NXNL2: variants seen among roughly 807,000 people sequenced by gnomAD.
NXNL2 encodes the protein nucleoredoxin like 2, also known as nucleoredoxin-like protein 2.
In NXNL2, 7 loss-of-function variants were observed where a neutral mutation model predicts 11.1. The observed-to-expected ratio is 0.63, with a 90% CI of 0.36 to 1.18. The LOEUF is 1.18. NXNL2 is among the 50% of genes most tolerant of loss of function. The pLI is 0.02. For missense variants in NXNL2, 233 were observed against 217.7 expected (o/e 1.07, Z -0.44); for synonymous variants, 109 against 101.8 (o/e 1.07, Z -0.42).
At chr9:88,556,186 C>T (rs368443150) in intron 1 of NXNL2, among the ~76,000 whole-genome samples, 64 of 152,296 alleles carry the variant, frequency 4.2e-4, no homozygotes, top group African/African-American at 1.3e-3. Context: ...AGTGCATCAC[C>T]GCCTGCAACT....
At chr9:88,536,971 C>T (rs1476293728) in intron 1 of NXNL2, among the ~76,000 whole-genome samples, 7 of 152,206 alleles carry the variant, frequency 4.6e-5, no homozygotes, top group Non-Finnish European at 1.0e-4. Context: ...GTTTAGTACT[C>T]AAGTTATTTG....
At position 88,571,112 on chromosome 9, in the gene NXNL2, CT is replaced by C. The variant is rs962021991; in HGVS notation, c.329del (p.Leu110ArgfsTer6). On this transcript the variant is annotated frameshift_variant, in exon 2 of 3. Coordinates refer to the NXNL2 transcript ENST00000375855. LOFTEE classifies it high-confidence loss of function. Reference sequence around the variant, plus strand: ...ACGGAGTCTCGCTCTGTTGCCCAGGCTGGAGTGCAGTGGCGTGATCTTAGCT... The same window carrying C: ...ACGGAGTCTCGCTCTGTTGCCCAGGCGGAGTGCAGTGGCGTGATCTTAGCT... The C allele has an allele frequency of 4.1e-5, 17 of 413,946 alleles. No individual in the cohort carries two copies. Among genetic ancestry groups the C allele is most frequent in the Non-Finnish European group, 7.1e-5 (15 of 212,258 alleles). 25.6% of individuals were successfully genotyped at this position (413,946 alleles called of 1,614,324 possible).
chr9:88,549,723 G>A (rs143213923), downstream of NXNL2, among the ~76,000 whole-genome samples: 717 of 152,318 alleles, frequency 4.7e-3, 6 homozygotes, highest in African/African-American at 0.016. Flanking sequence ...CATTTGCTTA[G>A]CTTCTTGGGA....
At chr9:88,563,533 G>T (rs918163550) in intron 1 of NXNL2, among the ~76,000 whole-genome samples, 4 of 152,104 alleles carry the variant, frequency 2.6e-5, no homozygotes, top group Admixed American at 6.6e-5. Context: ...TGGGCTCTCC[G>T]CTGGATTCCC....
chr9:88,546,381 C>G (rs951941691), downstream of NXNL2, among the ~76,000 whole-genome samples: 2 of 149,182 alleles, frequency 1.3e-5, no homozygotes, highest in Non-Finnish European at 3.0e-5. Context: ...GTGATGTGTC[C>G]TTTGAACCAT....
At chr9:88,558,343 G>A (rs189956978) in intron 1 of NXNL2, among the ~76,000 whole-genome samples, 27 of 152,212 alleles carry the variant, frequency 1.8e-4, no homozygotes, top group African/African-American at 5.8e-4. Context: ...TGGTGTTCCC[G>A]GAGAGGGCAT....
chr9:88,539,566 T>C (rs1334330234), intron 1 of NXNL2: 3 of 152,398 alleles, frequency 2.0e-5, no homozygotes, highest in African/African-American at 4.8e-5. Flanking sequence ...GTACAGATGC[T>C]AAAATAACCC....
At chr9:88,560,488 G>A (rs747963066) in intron 1 of NXNL2, among the ~76,000 whole-genome samples, 10 of 152,040 alleles carry the variant, frequency 6.6e-5, no homozygotes, top group Admixed American at 5.2e-4. Flanking sequence ...AGCATCTAGA[G>A]TGCAGGGGAC....
intron 1 of NXNL2, among the ~76,000 whole-genome samples, chr9:88,582,950 G>A (rs954998193): frequency 6.6e-6 from 1 of 152,200 alleles, no homozygotes; most frequent in Non-Finnish European, 1.5e-5. Flanking sequence ...TTACAGGTAT[G>A]AGCCACTGAG....
rs934632259 is a variant in NXNL2 at position 88,569,717 on chromosome 9, G to T, written c.303-1370G>T. On this transcript the variant is annotated intron_variant, in intron 1 of 2. Transcript: ENST00000375855. The stretch of plus-strand genomic sequence containing the variant: ...TTAGCTGTATGCAGACAATTATGTG[G>T]TTTTTTCTTCTTTGACTTATTAATA... Among the ~76,000 whole-genome samples the T allele has an allele frequency of 2.0e-5, 3 of 152,060 alleles. No individual in the cohort carries two copies. The East Asian group carries it at 5.8e-4, about 29-fold the overall frequency.
intron 1 of NXNL2, among the ~76,000 whole-genome samples, chr9:88,550,235 AC>A (rs1335759242): frequency 1.3e-5 from 2 of 152,090 alleles, no homozygotes; most frequent in Admixed American, 1.3e-4. Flanking sequence ...TCCAATCACC[AC>A]CCACCAAGCC....
intron 1 of NXNL2, among the ~76,000 whole-genome samples, chr9:88,541,412 A>AC (rs1829758794): frequency 6.6e-6 from 1 of 151,718 alleles, no homozygotes; most frequent in Non-Finnish European, 1.5e-5. Context: ...AGGTGCGTGC[A>AC]ACCACACCTG....
chr9:88,567,199 C>T (rs6560096), intron 1 of NXNL2, among the ~76,000 whole-genome samples: 43,643 of 151,862 alleles, frequency 0.29, 10,434 homozygotes, highest in East Asian at 0.78. Flanking sequence ...AGTGCAATGA[C>T]GTAACCTAGG....
intron 1 of NXNL2, among the ~76,000 whole-genome samples, chr9:88,559,598 G>T (rs1207773161): frequency 6.6e-6 from 1 of 152,194 alleles, no homozygotes; most frequent in Non-Finnish European, 1.5e-5. Flanking sequence ...GGCCTAGGTG[G>T]CCAGCTACTG....
intron 1 of NXNL2, among the ~76,000 whole-genome samples, chr9:88,583,227 C>T (rs1230778679): frequency 6.6e-6 from 1 of 152,228 alleles, no homozygotes; most frequent in Non-Finnish European, 1.5e-5. Context: ...GCATTTGTTA[C>T]CGCTGCACTG....
downstream of NXNL2, among the ~76,000 whole-genome samples, chr9:88,578,255 G>A (rs1027002937): frequency 1.3e-5 from 2 of 152,164 alleles, no homozygotes; most frequent in African/African-American, 4.8e-5. Flanking sequence ...ACCCCAGGTG[G>A]GCTGCGCTGG....
intron 2 of NXNL2, among the ~76,000 whole-genome samples, chr9:88,572,146 G>A (rs529461021): frequency 1.3e-5 from 2 of 151,544 alleles, no homozygotes; most frequent in Admixed American, 6.6e-5. Flanking sequence ...CTGACCCCAA[G>A]TTCCGTTATA....
intron 1 of NXNL2, among the ~76,000 whole-genome samples, chr9:88,553,921 T>C (rs1829977539): frequency 6.6e-6 from 1 of 152,208 alleles, no homozygotes; most frequent in Non-Finnish European, 1.5e-5. Context: ...ATGTATGTGT[T>C]GTCATGATTT....
intron 1 of NXNL2, among the ~76,000 whole-genome samples, chr9:88,556,118 TC>T (rs1322966911): frequency 1.3e-5 from 2 of 151,954 alleles, no homozygotes; most frequent in Admixed American, 6.6e-5. Flanking sequence ...GCTCAGGGAG[TC>T]CCGAGGTCTC....
Sources: allele counts gnomAD v4.1 joint callset (sites outside exome capture counted in the v4.1 genomes callset), GRCh38; gene constraint gnomAD v4.1.1; transcripts MANE v1.5; gene names NCBI Gene and HGNC (gene_info 2026-07-23, HGNC 2026-07-21).